RMDN1: variants seen among roughly 807,000 people sequenced by gnomAD.
RMDN1 encodes the protein regulator of microtubule dynamics 1, also known as regulator of microtubule dynamics protein 1.
RMDN1 carries 48 observed loss-of-function variants against 48.9 expected under a neutral mutation model. The ratio of observed to expected loss-of-function variants is 0.98; its 90% CI spans 0.78 to 1.25. The LOEUF (loss-of-function observed/expected upper bound fraction) is 1.25, where lower values mean the gene tolerates loss of function less well. RMDN1 is among the 50% of genes most tolerant of loss of function. The pLI is 0.00. For missense variants in RMDN1, 418 were observed against 373.4 expected (o/e 1.12, Z -0.98); for synonymous variants, 148 against 132.6 (o/e 1.12, Z -0.80).
Position 86,474,235 on chromosome 8 carries a change from CAT to C in RMDN1, c.*71_*72del, listed in dbSNP as rs1586576677. ...AAAAAGCCGTAGAACAGTTATAGTT[CAT>C]ATATTAAGTTTAGAATTAAAAGAAA... On this transcript the variant is annotated 3_prime_UTR_variant, in exon 10 of 10. Coordinates refer to ENST00000406452, the MANE Select transcript of RMDN1 (RefSeq NM_016033.3). 4 of 1,598,746 alleles carry C rather than the reference CAT, an allele frequency of 2.5e-6. No individual in the cohort carries two copies. The East Asian group carries it at 9.0e-5, about 36-fold the overall frequency.
chr8:86,511,065 G>A (rs775888797), upstream of RMDN1, among the ~76,000 whole-genome samples: 4 of 152,134 alleles, frequency 2.6e-5, no homozygotes, highest in Non-Finnish European at 4.4e-5. Context: ...TCAGGAGGAT[G>A]AGCTGGGAGG....
At chr8:86,503,371 C>CAAAAAAAAAAAAAAAAAAAAAAA (rs1182231210) in intron 2 of RMDN1, among the ~76,000 whole-genome samples, 2 of 68,034 alleles carry the variant, frequency 2.9e-5, no homozygotes, top group Non-Finnish European at 5.1e-5. Context: ...CAAAACAAAA[C>CAAAAAAAAAAAAAAAAAAAAAAA]AAAAAAAAAA....
intron 2 of RMDN1, chr8:86,505,211 G>C (rs1192968718): frequency 1.4e-6 from 1 of 706,496 alleles, no homozygotes; most frequent in African/African-American, 1.8e-5. Context: ...CGCACCTCAA[G>C]GCTGGGGTTT....
chr8:86,500,716 T>C (rs1423405823), intron 2 of RMDN1, among the ~76,000 whole-genome samples: 2 of 152,064 alleles, frequency 1.3e-5, no homozygotes, highest in Non-Finnish European at 1.5e-5. Flanking sequence ...AAAAACAAAT[T>C]GTTCTACCAA....
chr8:86,471,636 A>G (rs1812580379), downstream of RMDN1, among the ~76,000 whole-genome samples: 1 of 152,226 alleles, frequency 6.6e-6, no homozygotes, highest in Non-Finnish European at 1.5e-5. Context: ...GGAAGAAGAG[A>G]TACAACCAAA....
chr8:86,504,147 G>A, intron 2 of RMDN1: 4 of 1,326,928 alleles, frequency 3.0e-6, no homozygotes, highest in Admixed American at 1.7e-5. Flanking sequence ...CGGTATTATT[G>A]GGCTTTACCA....
chr8:86,494,535 G>T (rs140172158), intron 2 of RMDN1, among the ~76,000 whole-genome samples: 25 of 152,310 alleles, frequency 1.6e-4, no homozygotes, highest in African/African-American at 6.0e-4. Flanking sequence ...CAGCCTGGGT[G>T]ACAGAGCGAG....
chr8:86,499,932 T>C (rs888753231), intron 2 of RMDN1, among the ~76,000 whole-genome samples: 1 of 152,128 alleles, frequency 6.6e-6, no homozygotes, highest in Non-Finnish European at 1.5e-5. Flanking sequence ...TAACAAGCAA[T>C]GGAGAAAAGA....
At chr8:86,512,034 A>T (rs1435321991), upstream of RMDN1, among the ~76,000 whole-genome samples, 2 of 152,202 alleles carry the variant, frequency 1.3e-5, no homozygotes, top group Non-Finnish European at 2.9e-5. Flanking sequence ...TGAATTCAAC[A>T]CATGTTAAAT....
In RMDN1 at chr8:86,473,802, A is replaced by G. The variant is rs1812908712; in HGVS notation, c.*506T>C. 1.0e-6 allele frequency: 1 copy of G among 981,602 alleles called. No homozygotes were observed. 60.8% of individuals were successfully genotyped at this position (981,602 alleles called of 1,614,324 possible). On this transcript the variant is annotated 3_prime_UTR_variant, in exon 10 of 10. Coordinates refer to ENST00000406452, the MANE Select transcript of RMDN1 (RefSeq NM_016033.3). ...AAAGGAAACTACTCCATTTTTAGTC[A>G]TCTCCTTACTTAGTTCTTTACTTAC...
Position 86,507,050 on chromosome 8 carries a change from A to G in RMDN1, c.192T>C (p.Gly64=). The part of the protein sequence containing the change: ...GLLLSALSYL[G]FETYQVISQA... ...GAGAGATAACCTGGTAAGTTTCAAA[A>G]CCCAAATACGACAAAGCTGAGAGTA... The change falls in exon 2 of 10, where the codon GGT becomes GGC. Residue 64 remains glycine, a synonymous_variant. Transcript: ENST00000406452. 6.2e-7 allele frequency: 1 copy of G among 1,613,674 alleles called. No individual in the cohort carries two copies. The highest frequency in any genetic ancestry group is 8.5e-7 in the Non-Finnish European group (1 of 1,179,574).
intron 8 of RMDN1, among the ~76,000 whole-genome samples, chr8:86,475,382 T>C (rs762637549): frequency 1.3e-5 from 2 of 152,142 alleles, no homozygotes; most frequent in African/African-American, 4.8e-5. Flanking sequence ...AATGAAATGA[T>C]GATGACATAT....
chr8:86,500,697 T>C (rs1818062337), intron 2 of RMDN1, among the ~76,000 whole-genome samples: 1 of 152,006 alleles, frequency 6.6e-6, no homozygotes, highest in African/African-American at 2.4e-5. Flanking sequence ...ACTGAGAATA[T>C]ACCCAAAGAA....
Position 86,486,559 on chromosome 8 carries a change from C to CT in RMDN1, c.419dup (p.Leu141AlafsTer5). The CT allele has an allele frequency of 6.2e-7, 1 of 1,612,646 alleles. No homozygotes were observed. On this transcript the variant is annotated frameshift_variant, in exon 4 of 10. Coordinates refer to ENST00000406452, the MANE Select transcript of RMDN1 (RefSeq NM_016033.3). LOFTEE classifies it high-confidence loss of function. ...ACTCTAGGGCTTCATACACCAATAG[C>CT]TTTTTCTCCTCTTCTGAGGTTCTGC...
chr8:86,484,708 A>C, intron 5 of RMDN1, 164 bp downstream of exon 5: 1 of 453,752 alleles, frequency 2.2e-6, no homozygotes. Flanking sequence ...ACAAGAGCGA[A>C]ACTCCGTCTC....
At chr8:86,509,132 A>T (rs1819897185), upstream of RMDN1, among the ~76,000 whole-genome samples, 1 of 152,140 alleles carries the variant, frequency 6.6e-6, no homozygotes, top group Non-Finnish European at 1.5e-5. Flanking sequence ...GGAAAGTCTC[A>T]GTCTCTTCGA....
chr8:86,508,766 C>T (rs1407050710), upstream of RMDN1: 12 of 1,373,152 alleles, frequency 8.7e-6, no homozygotes, highest in South Asian at 3.5e-5. Context: ...AGCACCTCTT[C>T]CGCCCCCATG....
chr8:86,483,644 C>G (rs1255449562), intron 5 of RMDN1, among the ~76,000 whole-genome samples: 1 of 152,148 alleles, frequency 6.6e-6, no homozygotes, highest in Non-Finnish European at 1.5e-5. Context: ...AAAGCTAGGT[C>G]TCTGGACTCC....
chr8:86,480,328 G>A lies in RMDN1; in HGVS notation c.590C>T (p.Ala197Val). ...AYIIKEHFEK[A>V]IELNPKDATS... ...AGCATCTTTAGGGTTCAGTTCAATT[G>A]CTTTCTAACAAGAAATGAGAAAAAT... Residue 197 changes from alanine to valine, a missense_variant, in exon 6 of 10, where the codon GCA becomes GTA. By Grantham distance (64) the Ala-to-Val change is moderately conservative (BLOSUM62 0). Coordinates refer to ENST00000406452, the MANE Select transcript of RMDN1 (RefSeq NM_016033.3). The A allele has an allele frequency of 6.6e-7, 1 of 1,518,720 alleles. No individual in the cohort carries two copies. Among genetic ancestry groups the A allele is most frequent in the Non-Finnish European group, 9.0e-7 (1 of 1,115,366 alleles). The allele number at this position is 1,518,720 out of a possible 1,614,324, so 94.1% of individuals were successfully genotyped here.
Sources: allele counts gnomAD v4.1 joint callset (sites outside exome capture counted in the v4.1 genomes callset), GRCh38; gene constraint gnomAD v4.1.1; transcripts MANE v1.5; gene names NCBI Gene and HGNC (gene_info 2026-07-23, HGNC 2026-07-21).